The following GET1 variants were observed in gnomAD, a reference collection of about 807,000 sequenced individuals.
GET1 encodes congenital heart disease 5 protein.
In GET1, 20 loss-of-function variants were observed where a neutral mutation model predicts 22.6. That is an observed-to-expected ratio of 0.89 (90% CI 0.62 to 1.29). GET1 has a LOEUF of 1.29. Among genes scored for constraint, GET1 ranks in the 50% most tolerant of loss-of-function variants. GET1 has a pLI of 0.00. For missense variants in GET1, 209 were observed against 219.9 expected, an observed-to-expected ratio of 0.95 and a Z score of 0.31; for synonymous variants, 92 against 83.8, an observed-to-expected ratio of 1.10 and a Z score of -0.53.
At chr21:39,398,771 G>A (rs371404913), downstream of GET1, among the ~76,000 whole-genome samples, 759 of 152,050 alleles carry the variant, frequency 5.0e-3, 4 homozygotes, top group African/African-American at 0.017. Flanking sequence ...CCGCCGTCAC[G>A]CCCAGCTAAT....
At chr21:39,414,713 CCTCTCTCTCT>C (rs147915021) in intron 1 of GET1, among the ~76,000 whole-genome samples, 5 of 119,882 alleles carry the variant, frequency 4.2e-5, no homozygotes, top group Admixed American at 9.0e-5. Context: ...TGGTTCTCTC[CCTCTCTCTCT>C]CTCTCTCTCT....
chr21:39,384,634 G>T (rs113232282), intron 1 of GET1, among the ~76,000 whole-genome samples: 3,264 of 150,908 alleles, frequency 0.022, 109 homozygotes, highest in African/African-American at 0.076. Context: ...GTAAACTTGT[G>T]TCATGGGTGT....
intron 1 of GET1, among the ~76,000 whole-genome samples, chr21:39,383,266 T>A (rs1333821287): frequency 2.0e-5 from 3 of 148,934 alleles, no homozygotes; most frequent in Non-Finnish European, 3.0e-5. Context: ...TTTTTTTTTT[T>A]ATTATTTATT....
At chr21:39,405,632 A>C (rs2038998405) in intron 4 of GET1, among the ~76,000 whole-genome samples, 1 of 152,250 alleles carries the variant, frequency 6.6e-6, no homozygotes, top group African/African-American at 2.4e-5. Context: ...ATAGTAAACC[A>C]GTCTTCCAGA....
In GET1 at chr21:39,428,273, TCA is replaced by T. The variant is rs367883726; in HGVS notation, c.*68_*69del. On this transcript the variant is annotated 3_prime_UTR_variant, in exon 2 of 2. Transcript: ENST00000478273. ...TCTATTAATAGCCTTTTCTGAACAA[TCA>T]CAGAGAAAGTCTTCTGAATAATCAT... 141 of 1,609,688 alleles carry T rather than the reference TCA, an allele frequency of 8.8e-5. No individual in the cohort carries two copies. In the African/African-American group the frequency reaches 1.7e-3, roughly 20 times the overall value.
At chr21:39,391,073 T>G (rs2038266674) in intron 2 of GET1, 2 of 433,594 alleles carry the variant, frequency 4.6e-6, no homozygotes, top group Non-Finnish European at 7.9e-6. Flanking sequence ...ATATCTAAGA[T>G]CCTCTCAGAT....
chr21:39,424,137 C>T (rs1249564650), intron 1 of GET1, among the ~76,000 whole-genome samples: 5 of 152,018 alleles, frequency 3.3e-5, no homozygotes, highest in Non-Finnish European at 5.9e-5. Context: ...CTCAGCCTCC[C>T]GAGTAGCTGG....
chr21:39,386,695 T>A (rs1045936114), intron 1 of GET1, among the ~76,000 whole-genome samples: 1 of 152,206 alleles, frequency 6.6e-6, no homozygotes, highest in African/African-American at 2.4e-5. Context: ...CATCAATTAA[T>A]TCAGAGATTC....
chr21:39,411,735 G>A, intron 1 of GET1: 2 of 1,542,310 alleles, frequency 1.3e-6, no homozygotes, highest in Non-Finnish European at 1.8e-6. Context: ...ATAGTCCTCT[G>A]TGTCATGTAA....
chr21:39,412,837 C>CA (rs1341579055), intron 1 of GET1, among the ~76,000 whole-genome samples: 1 of 152,170 alleles, frequency 6.6e-6, no homozygotes, highest in Non-Finnish European at 1.5e-5. Flanking sequence ...TGGTATTGCC[C>CA]AAGTGTAAGT....
chr21:39,417,695 T>A (rs115026981), intron 1 of GET1, among the ~76,000 whole-genome samples: 2,107 of 152,282 alleles, frequency 0.014, 41 homozygotes, highest in African/African-American at 0.046. Context: ...GCAAAAGGAC[T>A]TCTTACATGG....
intron 1 of GET1, among the ~76,000 whole-genome samples, chr21:39,388,943 G>A (rs538061562): frequency 1.5e-4 from 23 of 152,258 alleles, no homozygotes; most frequent in Non-Finnish European, 2.4e-4. Context: ...GCCAGCCTGG[G>A]GAGCGTGCTT....
Position 39,392,140 on chromosome 21 carries a change from G to A in GET1, c.336+304G>A, listed in dbSNP as rs117631368. 6.1e-3 allele frequency: 2,056 copies of A among 337,442 alleles called. 9 individuals are homozygous for A. Among genetic ancestry groups the A allele is most frequent in the Non-Finnish European group, 9.0e-3 (1,673 of 185,292 alleles). The allele number at this position is 337,442 out of a possible 1,614,324, so 20.9% of individuals were successfully genotyped here. ...TTTGAAGGGCCTGGTGGGATGAAGC[G>A]AGAGGCTTATAGATGACATCAGTTT... On this transcript the variant is annotated intron_variant, in intron 3 of 4. Coordinates refer to ENST00000649170, the MANE Select transcript of GET1 (RefSeq NM_004627.6).
chr21:39,412,262 C>T (rs534675137), intron 1 of GET1, among the ~76,000 whole-genome samples: 26 of 152,152 alleles, frequency 1.7e-4, no homozygotes, highest in Admixed American at 3.9e-4. Flanking sequence ...GTGAACATTT[C>T]CACCATCTAA....
chr21:39,428,471 T>G (rs1256164510), exon 2 of GET1: 1 of 1,606,742 alleles, frequency 6.2e-7, no homozygotes, highest in Non-Finnish European at 8.5e-7. Flanking sequence ...TATATTTGTT[T>G]TTGTTAGATC....
At chr21:39,386,830 G>A (rs1261425155) in intron 1 of GET1, among the ~76,000 whole-genome samples, 5 of 148,320 alleles carry the variant, frequency 3.4e-5, no homozygotes, top group Non-Finnish European at 7.4e-5. Flanking sequence ...ATACATATTT[G>A]CAAATTTATA....
At chr21:39,411,497 G>T (rs1320462760), downstream of GET1, among the ~76,000 whole-genome samples, 1 of 152,158 alleles carries the variant, frequency 6.6e-6, no homozygotes, top group Non-Finnish European at 1.5e-5. Flanking sequence ...CTGAAGAAAG[G>T]ACATAAAGGG....
downstream of GET1, chr21:39,410,013 T>A: frequency 6.3e-7 from 1 of 1,593,030 alleles, no homozygotes; most frequent in Non-Finnish European, 8.6e-7. Context: ...CTTGCTTTGG[T>A]AGTTTATTCA....
intron 1 of GET1, chr21:39,421,719 G>C (rs1041091902): frequency 6.6e-6 from 1 of 152,122 alleles, no homozygotes; most frequent in African/African-American, 2.4e-5. Flanking sequence ...AAAAGTGGAA[G>C]ACATGGAAAG....
Sources: gnomAD v4.1 joint callset for allele counts (sites outside exome capture counted in the v4.1 genomes callset) on GRCh38, gnomAD v4.1.1 for gene constraint, MANE v1.5 for transcripts, NCBI Gene and HGNC (gene_info 2026-07-23, HGNC 2026-07-21) for gene names.